The following PKMYT1 variants were observed in gnomAD, a reference collection of about 807,000 sequenced individuals.
PKMYT1 encodes protein kinase, membrane associated tyrosine/threonine 1.
Under a neutral mutation model 49.7 loss-of-function variants are expected in PKMYT1, and 35 were observed. That is an observed-to-expected ratio of 0.70 (90% CI 0.54 to 0.93). PKMYT1 has a LOEUF of 0.93. Among genes scored for constraint, PKMYT1 ranks in the 40% least tolerant of loss-of-function variants. The pLI is 0.00. For missense variants in PKMYT1, 677 were observed against 673.1 expected (o/e 1.01, Z -0.06); for synonymous variants, 331 against 287.6 (o/e 1.15, Z -1.53).
intron 4 of PKMYT1, among the ~76,000 whole-genome samples, chr16:2,974,959 G>C (rs1026131209): frequency 3.3e-5 from 5 of 152,234 alleles, no homozygotes; most frequent in African/African-American, 9.6e-5. Flanking sequence ...CTGATGATCA[G>C]GGCAGTGGTT....
At chr16:2,978,089 AGCACT>A (rs1431637089) in intron 2 of PKMYT1, among the ~76,000 whole-genome samples, 2 of 152,228 alleles carry the variant, frequency 1.3e-5, no homozygotes, top group Non-Finnish European at 2.9e-5. Context: ...AAGCAATAGC[AGCACT>A]CAGAGAGGTG....
intron 2 of PKMYT1, among the ~76,000 whole-genome samples, chr16:2,978,397 T>C (rs1006650866): frequency 3.9e-5 from 6 of 152,160 alleles, no homozygotes; most frequent in African/African-American, 1.4e-4. Flanking sequence ...AGAGCCTGCC[T>C]GCTGTCAGAA....
At position 2,974,060 on chromosome 16, in the gene PKMYT1, G is replaced by C. The variant is rs4149800; in HGVS notation, c.1250C>G (p.Pro417Arg). 35 of 1,612,036 alleles carry C rather than the reference G, an allele frequency of 2.2e-5. No individual in the cohort carries two copies. The highest frequency in any genetic ancestry group is 1.6e-4 in the Middle Eastern group (1 of 6,078). ...LGPPATPPGS[P>R]PCSLLLDSSL... ...GCTGTCCAGGAGCAAACTGCAGGGTGGTGAGCCAGGCGGGGTGGCTGGCGG... is the reference window on the plus strand; with the variant it reads ...GCTGTCCAGGAGCAAACTGCAGGGTCGTGAGCCAGGCGGGGTGGCTGGCGG... The change falls in exon 7 of 9, where the codon CCA (proline) becomes CGA (arginine). Residue 417 changes from proline (P) to arginine (R), a missense_variant. Transcript: ENST00000262300.
intron 3 of PKMYT1, 123 bp downstream of exon 3, chr16:2,976,541 A>G: frequency 1.0e-6 from 1 of 959,078 alleles, no homozygotes; most frequent in Non-Finnish European, 1.4e-6. Flanking sequence ...CTGTGAGCCC[A>G]GCAGGGACAG....
chr16:2,975,272 A>G, intron 4 of PKMYT1, 47 bp downstream of exon 4: 2 of 1,535,252 alleles, frequency 1.3e-6, no homozygotes, highest in South Asian at 2.4e-5. Context: ...CGTCCCAGGA[A>G]GGGCCTCCCA....
At chr16:2,977,455 C>T in intron 2 of PKMYT1, 2 of 998,638 alleles carry the variant, frequency 2.0e-6, no homozygotes, top group Non-Finnish European at 1.2e-6. Context: ...CCCGGAATCC[C>T]TCAAGTGTCT....
chr16:2,978,610 T>C (rs1330403332), intron 2 of PKMYT1, among the ~76,000 whole-genome samples: 1 of 151,630 alleles, frequency 6.6e-6, no homozygotes, highest in African/African-American at 2.4e-5. Context: ...TAGCTGGGTG[T>C]GGTGGTGCAT....
chr16:2,973,896 G>A, intron 7 of PKMYT1, 104 bp downstream of exon 7: 1 of 1,268,502 alleles, frequency 7.9e-7, no homozygotes, highest in Non-Finnish European at 1.1e-6. Context: ...TGTGATGGGG[G>A]CCAGGTTTGT....
Position 2,975,715 on chromosome 16 carries a change from C to T in PKMYT1, c.476G>A (p.Gly159Asp), listed in dbSNP as rs774631291. Residue 159 changes from glycine to aspartate, a missense_variant, in exon 4 of 9, where the codon GGC (glycine) becomes GAC (aspartate). Gly to Asp is a moderately conservative substitution (Grantham distance 94, BLOSUM62 -1). Coordinates refer to ENST00000262300, the MANE Select transcript of PKMYT1 (RefSeq NM_004203.5). The stretch of plus-strand genomic sequence containing the variant: ...GTGCTGCCCCACCTTCTCGTGGCTG[C>T]CCACCTCGGCCAACTTGCGGGCCCG... ...KDRARKLAEVGSHEKVGQHPC... is the reference protein window; with the variant it reads ...KDRARKLAEVDSHEKVGQHPC... 1 of 1,605,934 alleles carries T rather than the reference C, an allele frequency of 6.2e-7. No homozygotes were observed. The highest frequency in any genetic ancestry group is 1.7e-5 in the Admixed American group (1 of 59,996).
chr16:2,977,385 ACAACCTCTT>A, intron 2 of PKMYT1: 4 of 992,812 alleles, frequency 4.0e-6, no homozygotes, highest in East Asian at 8.9e-5. Flanking sequence ...CCTAAACTAC[ACAACCTCTT>A]CCGAGACTAC....
At position 2,976,949 on chromosome 16, in the gene PKMYT1, G is replaced by A. The variant is rs1169546106; in HGVS notation, c.93C>T (p.Tyr31=). 1 of 1,552,938 alleles carries A rather than the reference G, an allele frequency of 6.4e-7. No homozygotes were observed. The highest frequency in any genetic ancestry group is 8.7e-7 in the Non-Finnish European group (1 of 1,146,990). Residue 31 remains tyrosine, a synonymous_variant, in exon 3 of 9, where the codon TAC becomes TAT. Coordinates refer to ENST00000262300, the MANE Select transcript of PKMYT1 (RefSeq NM_004203.5). ...AGAATCCAGGTTCTGCGTGGCGGAA[G>A]TAGGCTGGGACTGGGATGGGGGTGC... The part of the protein sequence containing the change: ...LSGTPIPVPA[Y]FRHAEPGFSL...
At position 2,973,023 on chromosome 16, in the gene PKMYT1, C is replaced by G. The variant is rs61747723; in HGVS notation, c.1430G>C (p.Arg477Pro). The change falls in exon 9 of 9, where the codon CGG becomes CCG. Residue 477 changes from arginine to proline, a missense_variant. Transcript: ENST00000262300. ...DLSDINSEPP[R>P]GSFPSFEPRN... ...AGGCTCAAAGGAGGGGAAGGAGCCC[C>G]GAGGAGGCTCTGAGTTGATGTCACT... 8 of 1,609,764 alleles carry G rather than the reference C, an allele frequency of 5.0e-6. No individual in the cohort carries two copies. The highest frequency in any genetic ancestry group is 1.1e-5 in the South Asian group (1 of 89,662).
Position 2,976,800 on chromosome 16 carries a change from C to A in PKMYT1, c.242G>T (p.Arg81Leu), listed in dbSNP as rs756526240. 1.6e-5 allele frequency: 25 copies of A among 1,575,648 alleles called. No individual in the cohort carries two copies. Among genetic ancestry groups the A allele is most frequent in the East Asian group, 2.3e-5 (1 of 43,174 alleles). The change falls in exon 3 of 9, where the codon CGG becomes CTG. Residue 81 changes from arginine to leucine, a missense_variant. Coordinates refer to ENST00000262300, the MANE Select transcript of PKMYT1 (RefSeq NM_004203.5). ...TPGWHQLQPR[R>L]VSFRGEASET... ...TGAGGCCTCGCCCCGGAATGACACCCGCCGGGGCTGCAGCTGGTGCCAGCC... is the reference window on the plus strand; with the variant it reads ...TGAGGCCTCGCCCCGGAATGACACCAGCCGGGGCTGCAGCTGGTGCCAGCC...
rs1430622511 is a variant in PKMYT1, at chr16:2,979,903, T to TG, written c.-247dup. The TG allele has an allele frequency of 1.6e-5, 9 of 573,714 alleles. No homozygotes were observed. Among genetic ancestry groups the TG allele is most frequent in the Admixed American group, 2.9e-5 (1 of 34,202 alleles). The allele number at this position is 573,714 out of a possible 1,614,324, so 35.5% of individuals were successfully genotyped here. A position where few individuals can be genotyped will look rare whatever the true frequency, so the allele number is the denominator to read the frequency against. The stretch of plus-strand genomic sequence containing the variant: ...CGCGGCTGACTTCACTCCGTGGGTG[T>TG]GGGGAAGCCCTGGCGAACAGAGCAG... On this transcript the variant is annotated 5_prime_UTR_variant, in exon 2 of 9. Transcript: ENST00000262300.
intron 2 of PKMYT1, among the ~76,000 whole-genome samples, chr16:2,978,333 G>A (rs1168114132): frequency 6.6e-6 from 1 of 152,220 alleles, no homozygotes; most frequent in Non-Finnish European, 1.5e-5. Flanking sequence ...GCAACCAGCT[G>A]AACCATAGGC....
Position 2,973,197 on chromosome 16 carries a change from C to G in PKMYT1, c.1329G>C (p.Glu443Asp). ...DDSLGPSLSPEAVLARTVGST... is the reference protein window; with the variant it reads ...DDSLGPSLSPDAVLARTVGST... ...TCCCCACAGTCCGGGCCAGGACAGC[C>G]TCAGGGGAGAGTGAAGGCCTGCAGG... Residue 443 changes from glutamate (E) to aspartate (D), a missense_variant, in exon 8 of 9, where the codon GAG becomes GAC. Glu to Asp is a conservative substitution (Grantham distance 45, BLOSUM62 2). Coordinates refer to ENST00000262300, the MANE Select transcript of PKMYT1 (RefSeq NM_004203.5). The G allele has an allele frequency of 6.6e-7, 1 of 1,514,944 alleles. No homozygotes were observed. Among genetic ancestry groups the G allele is most frequent in the Non-Finnish European group, 8.9e-7 (1 of 1,128,098 alleles). 93.8% of individuals were successfully genotyped at this position (1,514,944 alleles called of 1,614,324 possible). A position where few individuals can be genotyped will look rare whatever the true frequency, so the allele number is the denominator to read the frequency against.
At position 2,977,602 on chromosome 16, in the gene PKMYT1, G is replaced by A. The variant is rs539402490; in HGVS notation, c.11-571C>T. On this transcript the variant is annotated intron_variant, in intron 2 of 8. Coordinates refer to ENST00000262300, the MANE Select transcript of PKMYT1 (RefSeq NM_004203.5). ...GATTATTCAAAAGCAAGCACTGAAA[G>A]CCTCTGGGCATGGTGCCCAGGGCAC... is the stretch of plus-strand genomic sequence containing the variant. 6.4e-5 allele frequency: 39 copies of A among 613,860 alleles called. No individual in the cohort carries two copies. The African/African-American group carries it at 7.8e-4, about 12-fold the overall frequency. 38.0% of individuals were successfully genotyped at this position (613,860 alleles called of 1,614,324 possible). A position where few individuals can be genotyped will look rare whatever the true frequency, so the allele number is the denominator to read the frequency against.
Position 2,976,628 on chromosome 16 carries a change from C to T in PKMYT1, c.378+36G>A, listed in dbSNP as rs1339293823. ...GGAGGTGCAGAAACACAAAGGAGGTCCCCCAGATGGGCCTAGAAGCCGTCC... is the reference window on the plus strand; with the variant it reads ...GGAGGTGCAGAAACACAAAGGAGGTTCCCCAGATGGGCCTAGAAGCCGTCC... On this transcript the variant is annotated intron_variant, in intron 3 of 8. Transcript: ENST00000262300. The T allele has an allele frequency of 2.8e-6, 4 of 1,410,660 alleles. No homozygotes were observed. The East Asian group carries it at 7.5e-5, about 27-fold the overall frequency. 87.4% of individuals were successfully genotyped at this position (1,410,660 alleles called of 1,614,324 possible).
At chr16:2,977,392 CTTCCG>C in intron 2 of PKMYT1, 1 of 1,021,552 alleles carries the variant, frequency 9.8e-7, no homozygotes, top group Non-Finnish European at 1.2e-6. Flanking sequence ...TACACAACCT[CTTCCG>C]AGACTACACG....
Sources: allele counts gnomAD v4.1 joint callset (sites outside exome capture counted in the v4.1 genomes callset), GRCh38; gene constraint gnomAD v4.1.1; transcripts MANE v1.5; gene names NCBI Gene and HGNC (gene_info 2026-07-23, HGNC 2026-07-21).